The following SPTB variants were observed in gnomAD, a reference collection of about 807,000 sequenced individuals.
SPTB encodes the protein spectrin beta chain, erythrocytic.
A neutral mutation model predicts 256.2 loss-of-function variants in SPTB; 45 were observed. The ratio of observed to expected loss-of-function variants is 0.18; its 90% CI spans 0.14 to 0.23. The LOEUF (loss-of-function observed/expected upper bound fraction) is 0.23. Ranked by LOEUF, SPTB falls within the 10% of genes least tolerant of loss-of-function variation. SPTB has a pLI of 1.00. For missense variants in SPTB, 2,715 were observed against 3,040.4 expected, an observed-to-expected ratio of 0.89 and a Z score of 2.52; for synonymous variants, 1,231 against 1,243.1, an observed-to-expected ratio of 0.99 and a Z score of 0.21.
At chr14:64,762,170 C>T (rs936398278) in intron 32 of SPTB, among the ~76,000 whole-genome samples, 1 of 152,214 alleles carries the variant, frequency 6.6e-6, no homozygotes, top group Non-Finnish European at 1.5e-5. Context: ...ACTGGGTAGA[C>T]AGGAACATGC....
chr14:64,815,342 G>C (rs1189907278), intron 2 of SPTB, among the ~76,000 whole-genome samples: 1 of 152,168 alleles, frequency 6.6e-6, no homozygotes, highest in Admixed American at 6.5e-5. Context: ...CATTCAATAG[G>C]GGCCCGAGGG....
At chr14:64,766,390 A>G (rs966966961) in intron 32 of SPTB, 3 of 1,339,196 alleles carry the variant, frequency 2.2e-6, no homozygotes, top group African/African-American at 3.0e-5. Flanking sequence ...TGCACTAATC[A>G]TCTCTGGCTA....
At position 64,802,392 on chromosome 14, in the gene SPTB, G is replaced by T; in HGVS notation, c.475-75C>A. 4 of 1,411,252 alleles carry T rather than the reference G, an allele frequency of 2.8e-6. No homozygotes were observed. The highest frequency in any genetic ancestry group is 2.4e-5 in the South Asian group (2 of 83,696). 87.4% of individuals were successfully genotyped at this position (1,411,252 alleles called of 1,614,324 possible). On this transcript the variant is annotated intron_variant, in intron 4 of 35. Transcript: ENST00000644917. The surrounding 1 kb of genome is among the most constrained non-coding windows in gnomAD (Gnocchi z 5.1). ...TGTGCTTTCCTGCCGTCCCTGGGAGGCTCCCTCCCTCATCCCCCCTTCACT... is the reference window on the plus strand; with the variant it reads ...TGTGCTTTCCTGCCGTCCCTGGGAGTCTCCCTCCCTCATCCCCCCTTCACT...
At position 64,802,024 on chromosome 14, in the gene SPTB, C is replaced by G. The variant is rs2082896869; in HGVS notation, c.567-190G>C. Among the ~76,000 whole-genome samples the G allele has an allele frequency of 6.6e-6, 1 of 152,220 alleles. No homozygotes were observed. On this transcript the variant is annotated intron_variant, in intron 5 of 35. Transcript: ENST00000644917. The surrounding 1 kb of genome is among the most constrained non-coding windows in gnomAD (Gnocchi z 5.1). ...CAGATGTGAACACCACACAGACCCC[C>G]CAGTCTGCCTGCAGGCAACTTTGGA...
In SPTB at chr14:64,874,514, C is replaced by T. The variant is rs1486776681; in HGVS notation, c.-52+5278G>A. Among the ~76,000 whole-genome samples the T allele has an allele frequency of 2.0e-5, 3 of 152,158 alleles. No homozygotes were observed. The East Asian group carries it at 5.8e-4, about 29-fold the overall frequency. On this transcript the variant is annotated intron_variant, in intron 1 of 35. Coordinates refer to ENST00000644917, the MANE Select transcript of SPTB (RefSeq NM_001355436.2). Reference sequence around the variant, plus strand: ...CTCTAACTCTCTATGACTTATGACTCGAAGTCAGTATTATGAAAGGCCTTT... The same window carrying T: ...CTCTAACTCTCTATGACTTATGACTTGAAGTCAGTATTATGAAAGGCCTTT...
At chr14:64,782,249 C>T (rs765724067) in intron 20 of SPTB, 41 bp downstream of exon 20, 1 of 1,614,038 alleles carries the variant, frequency 6.2e-7, no homozygotes, top group South Asian at 1.1e-5. Context: ...TCCACTATCC[C>T]TTCTATCCTA....
chr14:64,829,351 G>T (rs2083416029), intron 1 of SPTB, among the ~76,000 whole-genome samples: 2 of 152,162 alleles, frequency 1.3e-5, no homozygotes, highest in Non-Finnish European at 2.9e-5. Flanking sequence ...AGTGAGGACT[G>T]CTGTAAATCA....
rs1214393216 is a variant in SPTB at position 64,826,812 on chromosome 14, G to C, written c.-51-3667C>G. 6.6e-6 allele frequency among the ~76,000 whole-genome samples: 1 copy of C among 152,034 alleles called. No individual in the cohort carries two copies. Among genetic ancestry groups the C allele is most frequent in the Admixed American group, 6.6e-5 (1 of 15,264 alleles). On this transcript the variant is annotated intron_variant, in intron 1 of 35. Coordinates refer to ENST00000644917, the MANE Select transcript of SPTB (RefSeq NM_001355436.2). The surrounding 1 kb of genome is among the most constrained non-coding windows in gnomAD (Gnocchi z 4.4). ...AGCAGCTCTAAATGCACAGTCCAGA[G>C]TCATCCTTACCTGCCTTCTGCCACC...
intron 7 of SPTB, 76 bp downstream of exon 7, chr14:64,801,209 C>T (rs566284663): frequency 1.8e-5 from 23 of 1,301,814 alleles, no homozygotes; most frequent in Middle Eastern, 2.4e-4. Flanking sequence ...GAAGTCCTGG[C>T]GGCTGAGCTC....
chr14:64,797,209 A>G (rs1451599584), intron 10 of SPTB, among the ~76,000 whole-genome samples: 1 of 152,110 alleles, frequency 6.6e-6, no homozygotes, highest in Non-Finnish European at 1.5e-5. Flanking sequence ...GTGATGGCTC[A>G]CACGTGTAAT....
In SPTB at chr14:64,785,600, C is replaced by T. The variant is rs2139561033; in HGVS notation, c.3792G>A (p.Gln1264=). Residue 1264 remains glutamine (Q), a synonymous_variant, in exon 18 of 36, where the codon CAG becomes CAA. Coordinates refer to ENST00000644917, the MANE Select transcript of SPTB (RefSeq NM_001355436.2). This position sits in a 1 kb window ranked among gnomAD's most constrained non-coding sequence, Gnocchi z 4.4. ...TGTCTCTCAGTAGGACAGAGGCCTC[C>T]TGGGCCTTCTCGTTGTTCTTCCTGT... ...DRHRKNNEKA[Q]EASVLLRDNL... The T allele has an allele frequency of 6.2e-7, 1 of 1,614,150 alleles. No homozygotes were observed. The highest frequency in any genetic ancestry group is 1.1e-5 in the South Asian group (1 of 91,076).
chr14:64,823,288 C>G lies in SPTB; in HGVS notation c.-51-143G>C. ...TCATCTGCCTGGGCGTGCTTCCTACCAGGGTCTCTGGGTCGTTTGTTATAA... is the reference window on the plus strand; with the variant it reads ...TCATCTGCCTGGGCGTGCTTCCTACGAGGGTCTCTGGGTCGTTTGTTATAA... On this transcript the variant is annotated intron_variant, in intron 1 of 35. Coordinates refer to ENST00000644917, the MANE Select transcript of SPTB (RefSeq NM_001355436.2). The surrounding 1 kb of genome is among the most constrained non-coding windows in gnomAD (Gnocchi z 6.5). The G allele has an allele frequency of 1.5e-6, 1 of 684,010 alleles. No individual in the cohort carries two copies. The highest frequency in any genetic ancestry group is 2.6e-6 in the Non-Finnish European group (1 of 385,876). The allele number at this position is 684,010 out of a possible 1,614,324, so 42.4% of individuals were successfully genotyped here. A position where few individuals can be genotyped will look rare whatever the true frequency, so the allele number is the denominator to read the frequency against.
chr14:64,787,134 G>A lies in SPTB; in HGVS notation c.2831C>T (p.Ser944Leu), dbSNP rs778518876. ...TGAGTCCACAGCCTCCCGCCGCTCC[G>A]ACACCAGGGTCTGAAATGCCTGCCA... ...TRWQAFQTLV[S>L]ERREAVDSAL... Residue 944 changes from serine (S) to leucine (L), a missense_variant, in exon 16 of 36, where the codon TCG (serine) becomes TTG (leucine). This residue lies in a region of SPTB where 2,239 missense variants were observed against 2,384.4 expected (regional missense o/e 0.94). Coordinates refer to ENST00000644917, the MANE Select transcript of SPTB (RefSeq NM_001355436.2). The A allele has an allele frequency of 3.7e-6, 6 of 1,607,154 alleles. No homozygotes were observed. Among genetic ancestry groups the A allele is most frequent in the African/African-American group, 1.3e-5 (1 of 74,876 alleles).
In SPTB at chr14:64,786,955, C is replaced by T. The variant is rs779906104; in HGVS notation, c.3010G>A (p.Val1004Met). Residue 1004 changes from valine (V) to methionine (M), a missense_variant, in exon 16 of 36, where the codon GTG becomes ATG. By Grantham distance (21) the Val-to-Met change is conservative (BLOSUM62 1). Around this residue, in one of 4 missense-constraint regions of SPTB, gnomAD observed 2,239 missense variants for 2,384.4 expected, o/e 0.94. Coordinates refer to ENST00000644917, the MANE Select transcript of SPTB (RefSeq NM_001355436.2). This position sits in a 1 kb window ranked among gnomAD's most constrained non-coding sequence, Gnocchi z 5.6. ...TCCACACGGGCCTGGATGGCGGCCA[C>T]GTCACGCTCCAGCCCTGACAACTTC... ...QRKLSGLERDVAAIQARVDAL... is the reference protein window; with the variant it reads ...QRKLSGLERDMAAIQARVDAL... The T allele has an allele frequency of 7.4e-6, 12 of 1,613,812 alleles. No homozygotes were observed. Among genetic ancestry groups the T allele is most frequent in the East Asian group, 6.7e-5 (3 of 44,894 alleles).
chr14:64,765,893 ATG>A (rs904377620), intron 32 of SPTB, among the ~76,000 whole-genome samples: 67 of 121,616 alleles, frequency 5.5e-4, no homozygotes, highest in South Asian at 1.3e-3. Flanking sequence ...CGGTGTGTGC[ATG>A]TGTGTGTGTG....
intron 1 of SPTB, among the ~76,000 whole-genome samples, chr14:64,857,577 C>CAAA (rs34021718): frequency 3.3e-5 from 2 of 61,354 alleles, no homozygotes; most frequent in East Asian, 5.0e-4. Context: ...GACACTGCCT[C>CAAA]AAAAAAAAAA....
At chr14:64,766,252 G>T (rs780218443) in intron 32 of SPTB, 13 of 382,210 alleles carry the variant, frequency 3.4e-5, no homozygotes, top group Non-Finnish European at 4.5e-5. Flanking sequence ...GTGTGTGCAT[G>T]TGGGTGTGTA....
At chr14:64,876,956 TCA>T (rs1882853848) in intron 1 of SPTB, among the ~76,000 whole-genome samples, 1 of 152,122 alleles carries the variant, frequency 6.6e-6, no homozygotes. Context: ...TCAGGTACAT[TCA>T]GTTAGGTCTT....
chr14:64,851,781 C>T (rs1240278910), intron 1 of SPTB, among the ~76,000 whole-genome samples: 1 of 150,486 alleles, frequency 6.6e-6, no homozygotes. Context: ...CCAAACACCG[C>T]ATGTTAGCAC....
Sources: gnomAD v4.1 joint callset for allele counts (sites outside exome capture counted in the v4.1 genomes callset) on GRCh38, gnomAD v4.1.1 for gene constraint, gnomAD v4.1.1 regional missense constraint, Gnocchi (gnomAD v3.1) non-coding constraint, MANE v1.5 for transcripts, NCBI Gene and HGNC (gene_info 2026-07-23, HGNC 2026-07-21) for gene names.